The following MEIS2 variants were observed in gnomAD, a reference collection of about 807,000 sequenced individuals.
MEIS2 encodes the protein Meis homeobox 2, also known as homeobox protein Meis2.
In MEIS2, 9 loss-of-function variants were observed where a neutral mutation model predicts 58.6. The observed-to-expected ratio is 0.15, with a 90% CI of 0.09 to 0.27. The LOEUF (loss-of-function observed/expected upper bound fraction) is 0.27, where lower values mean the gene tolerates loss of function less well. Among genes scored for constraint, MEIS2 ranks in the 10% least tolerant of loss-of-function variants. The pLI is 1.00. For synonymous variants in MEIS2, 221 were observed against 228.4 expected, an observed-to-expected ratio of 0.97 and a Z score of 0.29; for missense variants, 427 against 635.0, an observed-to-expected ratio of 0.67 and a Z score of 3.52.
At chr15:37,082,961 G>C in intron 7 of MEIS2, among the ~76,000 whole-genome samples, 1 of 151,838 alleles carries the variant, frequency 6.6e-6, no homozygotes, top group East Asian at 1.9e-4. Context: ...ATAGACCTAG[G>C]AGATCAGACA....
intron 8 of MEIS2, among the ~76,000 whole-genome samples, chr15:36,978,716 TCATACTG>T (rs2059838913): frequency 6.6e-6 from 1 of 152,234 alleles, no homozygotes; most frequent in African/African-American, 2.4e-5. Flanking sequence ...AAAAATCGGC[TCATACTG>T]CATATACTCT....
At chr15:36,994,680 A>G (rs369203257) in intron 8 of MEIS2, among the ~76,000 whole-genome samples, 3 of 152,374 alleles carry the variant, frequency 2.0e-5, no homozygotes, top group South Asian at 4.1e-4. Flanking sequence ...GTTTATATAA[A>G]TTCCAAGTTA....
chr15:36,909,053 G>A (rs1427181397), intron 9 of MEIS2, among the ~76,000 whole-genome samples: 1 of 152,064 alleles, frequency 6.6e-6, no homozygotes, highest in African/African-American at 2.4e-5. Flanking sequence ...TAAACAAAAA[G>A]CAATTAATAC....
chr15:36,901,258 A>G (rs1595680376), intron 9 of MEIS2: 2 of 152,194 alleles, frequency 1.3e-5, no homozygotes, highest in African/African-American at 4.8e-5. Flanking sequence ...TGGTGTTTCA[A>G]ATGATGAAAC....
chr15:36,941,741 T>C (rs1255759857), intron 9 of MEIS2, among the ~76,000 whole-genome samples: 2 of 152,178 alleles, frequency 1.3e-5, no homozygotes, highest in East Asian at 1.9e-4. Context: ...AGGATTTCTC[T>C]AGCAGGCATT....
At chr15:36,963,110 C>T (rs998704771) in intron 8 of MEIS2, among the ~76,000 whole-genome samples, 14 of 152,116 alleles carry the variant, frequency 9.2e-5, no homozygotes, top group African/African-American at 3.1e-4. Context: ...TGCTGTGGCT[C>T]ACGCCTGTAA....
chr15:36,958,787 G>A (rs896676639), intron 8 of MEIS2, among the ~76,000 whole-genome samples: 5 of 152,114 alleles, frequency 3.3e-5, no homozygotes, highest in Non-Finnish European at 5.9e-5. Context: ...TGGCTAATGG[G>A]TAATCTTACT....
chr15:37,008,214 C>T (rs1329837880), intron 8 of MEIS2, among the ~76,000 whole-genome samples: 5 of 152,118 alleles, frequency 3.3e-5, no homozygotes, highest in Non-Finnish European at 5.9e-5. Flanking sequence ...TAGTTATATT[C>T]GCTCTAGGAC....
At chr15:36,921,992 T>G (rs1226196626) in intron 9 of MEIS2, among the ~76,000 whole-genome samples, 1 of 152,218 alleles carries the variant, frequency 6.6e-6, no homozygotes, top group African/African-American at 2.4e-5. Flanking sequence ...CCATGTTCAC[T>G]GATGTGGACT....
chr15:36,948,608 C>G (rs1286171390), intron 9 of MEIS2, among the ~76,000 whole-genome samples: 1 of 151,944 alleles, frequency 6.6e-6, no homozygotes, highest in Non-Finnish European at 1.5e-5. Flanking sequence ...GCAATGTTAA[C>G]TGCGTCATGG....
At chr15:37,051,189 C>T (rs1380203408) in intron 7 of MEIS2, among the ~76,000 whole-genome samples, 1 of 152,162 alleles carries the variant, frequency 6.6e-6, no homozygotes, top group Non-Finnish European at 1.5e-5. Context: ...AGCAAAGGTG[C>T]ATCAATAAAT....
At chr15:36,958,001 T>C (rs1400660990) in intron 8 of MEIS2, among the ~76,000 whole-genome samples, 2 of 152,212 alleles carry the variant, frequency 1.3e-5, no homozygotes, top group African/African-American at 4.8e-5. Context: ...ATTAGTAATG[T>C]TTTTTAATTT....
At chr15:36,989,216 A>G (rs1237843032) in intron 8 of MEIS2, among the ~76,000 whole-genome samples, 2 of 152,208 alleles carry the variant, frequency 1.3e-5, no homozygotes, top group Non-Finnish European at 2.9e-5. Flanking sequence ...ACAGAACTAG[A>G]GAGGTTAAGT....
intron 7 of MEIS2, among the ~76,000 whole-genome samples, chr15:37,037,854 C>T (rs933688677): frequency 1.3e-5 from 2 of 152,100 alleles, no homozygotes; most frequent in African/African-American, 2.4e-5. Flanking sequence ...ATGCCATATC[C>T]CTACATTAAT....
chr15:37,024,474 A>G (rs956217450), intron 8 of MEIS2, among the ~76,000 whole-genome samples: 10 of 152,154 alleles, frequency 6.6e-5, no homozygotes, highest in African/African-American at 2.2e-4. Flanking sequence ...TTCAGCTTCC[A>G]CAGAAGTTCA....
chr15:36,928,716 A>C (rs150000269), intron 9 of MEIS2, among the ~76,000 whole-genome samples: 26 of 152,290 alleles, frequency 1.7e-4, no homozygotes, highest in African/African-American at 4.8e-4. Flanking sequence ...CAATTAGATA[A>C]CATAGAAGAG....
At chr15:36,908,650 A>G (rs1225219140) in intron 9 of MEIS2, among the ~76,000 whole-genome samples, 1 of 152,204 alleles carries the variant, frequency 6.6e-6, no homozygotes, top group Non-Finnish European at 1.5e-5. Context: ...CAGATAAAGT[A>G]GCAACACTAT....
chr15:36,891,150 C>A lies in MEIS2; in HGVS notation c.*1023G>T, dbSNP rs1458092836. The A allele has an allele frequency of 6.6e-6, 1 of 152,302 alleles. No homozygotes were observed. Among genetic ancestry groups the A allele is most frequent in the Non-Finnish European group, 1.5e-5 (1 of 67,988 alleles). 9.4% of individuals were successfully genotyped at this position (152,302 alleles called of 1,614,324 possible). A position where few individuals can be genotyped will look rare whatever the true frequency, so the allele number is the denominator to read the frequency against. The stretch of plus-strand genomic sequence containing the variant: ...ATTTGACAAAGCTTAAAGGTAACAG[C>A]ATTTTCTTCTAGTGAGGAACACGTG... On this transcript the variant is annotated 3_prime_UTR_variant, in exon 12 of 12. Transcript: ENST00000561208.
intron 9 of MEIS2, among the ~76,000 whole-genome samples, chr15:36,939,360 A>G (rs2058293971): frequency 6.6e-6 from 1 of 152,250 alleles, no homozygotes. Context: ...CAATTATTTC[A>G]GATGGTCAAC....
Sources: gnomAD v4.1 joint callset for allele counts (sites outside exome capture counted in the v4.1 genomes callset) on GRCh38, gnomAD v4.1.1 for gene constraint, MANE v1.5 for transcripts, NCBI Gene and HGNC (gene_info 2026-07-23, HGNC 2026-07-21) for gene names.